Variants in WDPCP observed in about 807,000 individuals in gnomAD.
WDPCP encodes the protein WD repeat containing planar cell polarity effector, also known as WD repeat-containing and planar cell polarity effector protein fritz homolog.
In WDPCP, 71 loss-of-function variants were observed where a neutral mutation model predicts 93.1. The ratio of observed to expected loss-of-function variants is 0.76; its 90% confidence interval spans 0.63 to 0.93. The LOEUF (loss-of-function observed/expected upper bound fraction) is 0.93, where lower values mean the gene tolerates loss of function less well. WDPCP is among the 40% of genes least tolerant of loss of function. The pLI is 0.00. For synonymous variants in WDPCP, 315 were observed against 315.0 expected, an observed-to-expected ratio of 1.00 and a Z score of 0.00; for missense variants, 844 against 887.4, an observed-to-expected ratio of 0.95 and a Z score of 0.62.
chr2:63,622,565 C>A, intron 3 of WDPCP: 1 of 1,613,962 alleles, frequency 6.2e-7, no homozygotes, highest in African/African-American at 1.3e-5. Flanking sequence ...TGGTCTGATT[C>A]TGTGGGTCCA....
intron 2 of WDPCP, among the ~76,000 whole-genome samples, chr2:63,718,193 T>C (rs1189561459): frequency 6.6e-6 from 1 of 152,170 alleles, no homozygotes; most frequent in Non-Finnish European, 1.5e-5. Flanking sequence ...CCATATCTTA[T>C]TGTAAATATT....
At chr2:63,153,965 G>A (rs994480204) in intron 15 of WDPCP, among the ~76,000 whole-genome samples, 5 of 151,716 alleles carry the variant, frequency 3.3e-5, no homozygotes, top group Non-Finnish European at 5.9e-5. Context: ...ACTTGTAAAA[G>A]TAATTCACTT....
At chr2:63,261,806 A>G (rs965234084) in intron 13 of WDPCP, among the ~76,000 whole-genome samples, 1 of 152,156 alleles carries the variant, frequency 6.6e-6, no homozygotes, top group East Asian at 1.9e-4. Context: ...CCCTTTGTAG[A>G]GAAGGTTTGC....
intron 2 of WDPCP, among the ~76,000 whole-genome samples, chr2:63,791,115 G>C (rs1670538489): frequency 6.6e-6 from 1 of 152,200 alleles, no homozygotes; most frequent in African/African-American, 2.4e-5. Flanking sequence ...TCACCAGGGA[G>C]ATAGGCTGTT....
chr2:63,822,470 C>T (rs577851877), intron 1 of WDPCP, among the ~76,000 whole-genome samples: 1 of 152,212 alleles, frequency 6.6e-6, no homozygotes, highest in Admixed American at 6.5e-5. Context: ...TTTGCACACA[C>T]TAAATTTGGA....
intron 6 of WDPCP, among the ~76,000 whole-genome samples, chr2:63,478,973 G>C (rs559885487): frequency 2.5e-4 from 37 of 150,358 alleles, no homozygotes; most frequent in Non-Finnish European, 4.3e-4. Context: ...GAAGAGAGAT[G>C]ATCAAAATAA....
At chr2:63,463,528 T>C (rs1244929708) in intron 6 of WDPCP, among the ~76,000 whole-genome samples, 3 of 152,170 alleles carry the variant, frequency 2.0e-5, no homozygotes, top group Non-Finnish European at 4.4e-5. Context: ...GGCCCCCCAG[T>C]AGTCAAAACC....
chr2:63,216,938 C>T (rs1257256212), intron 14 of WDPCP, among the ~76,000 whole-genome samples: 1 of 152,170 alleles, frequency 6.6e-6, no homozygotes, highest in African/African-American at 2.4e-5. Context: ...AATGGCATTA[C>T]TTCCAATAAT....
At position 63,414,641 on chromosome 2, in the gene WDPCP, T is replaced by A. The variant is rs138537600; in HGVS notation, c.826-9984A>T. Among the ~76,000 whole-genome samples, 292 of 152,216 alleles carry A rather than the reference T, an allele frequency of 1.9e-3. 2 individuals carry two copies. The highest frequency in any genetic ancestry group is 6.5e-3 in the African/African-American group (269 of 41,522). On this transcript the variant is annotated intron_variant, in intron 9 of 17. Transcript: ENST00000272321. ...CAACTCAAGAATGGAAAACCAAAAATCTTATGTTCTCACTGATATGTGGGA... is the reference window on the plus strand; with the variant it reads ...CAACTCAAGAATGGAAAACCAAAAAACTTATGTTCTCACTGATATGTGGGA...
At position 63,121,835 on chromosome 2, in the gene WDPCP, T is replaced by C; in HGVS notation, c.*171A>G. ...TCACTTTGCTGTTATGCTGCATGTTTTTGAAATAATAAAACTTTATTTTGA... is the reference window on the plus strand; with the variant it reads ...TCACTTTGCTGTTATGCTGCATGTTCTTGAAATAATAAAACTTTATTTTGA... On this transcript the variant is annotated 3_prime_UTR_variant, in exon 18 of 18. Transcript: ENST00000272321. 7.2e-7 allele frequency: 1 copy of C among 1,397,396 alleles called. No individual in the cohort carries two copies. The highest frequency in any genetic ancestry group is 9.4e-7 in the Non-Finnish European group (1 of 1,069,304). 86.6% of individuals were successfully genotyped at this position (1,397,396 alleles called of 1,614,324 possible). A position where few individuals can be genotyped will look rare whatever the true frequency, so the allele number is the denominator to read the frequency against.
the WDPCP span, among the ~76,000 whole-genome samples, chr2:63,838,605 A>G: frequency 8.5e-5 from 13 of 152,108 alleles, no homozygotes; most frequent in African/African-American, 2.9e-4. Flanking sequence ...GGTAAAATCT[A>G]TAAATCTACC....
chr2:63,417,961 T>C (rs566162338), intron 9 of WDPCP, among the ~76,000 whole-genome samples: 6 of 151,918 alleles, frequency 3.9e-5, no homozygotes, highest in Admixed American at 6.6e-5. Context: ...GCTAATGTGA[T>C]AGACCAAGAT....
chr2:63,641,981 T>C (rs1709985444), intron 3 of WDPCP, among the ~76,000 whole-genome samples: 1 of 152,168 alleles, frequency 6.6e-6, no homozygotes, highest in South Asian at 2.1e-4. Flanking sequence ...TGGTGAGAGA[T>C]AGAGGTCTAG....
intron 14 of WDPCP, among the ~76,000 whole-genome samples, chr2:63,248,752 G>C (rs527969480): frequency 6.6e-6 from 1 of 151,916 alleles, no homozygotes; most frequent in South Asian, 2.1e-4. Context: ...TTCAAATATC[G>C]TATCATAAAG....
intron 10 of WDPCP, among the ~76,000 whole-genome samples, chr2:63,392,044 T>G (rs577851655): frequency 1.3e-5 from 2 of 152,180 alleles, no homozygotes; most frequent in Non-Finnish European, 2.9e-5. Flanking sequence ...ACTTTAAAGT[T>G]CATATGGAAC....
At position 63,119,705 on chromosome 2, in the gene WDPCP, C is replaced by A. The variant is rs940621942; in HGVS notation, c.*2301G>T. Among the ~76,000 whole-genome samples, 6 of 152,148 alleles carry A rather than the reference C, an allele frequency of 3.9e-5. No homozygotes were observed. Among genetic ancestry groups the A allele is most frequent in the Non-Finnish European group, 8.8e-5 (6 of 68,032 alleles). Reference sequence around the variant, plus strand: ...TATTCCTAAAGGACAACCTGTGAACCTGTCAGTGCTAGGACAGATACTACC... The same window carrying A: ...TATTCCTAAAGGACAACCTGTGAACATGTCAGTGCTAGGACAGATACTACC... On this transcript the variant is annotated 3_prime_UTR_variant, in exon 18 of 18. Coordinates refer to ENST00000272321, the MANE Select transcript of WDPCP (RefSeq NM_015910.7).
intron 2 of WDPCP, among the ~76,000 whole-genome samples, chr2:63,729,981 G>C (rs1669537334): frequency 2.6e-5 from 4 of 152,176 alleles, no homozygotes; most frequent in Middle Eastern, 3.2e-3. Context: ...CGCATAGTGA[G>C]AATGGGAGAA....
At chr2:63,593,586 A>G, upstream of WDPCP, 1 of 471,432 alleles carries the variant, frequency 2.1e-6, no homozygotes, top group South Asian at 1.5e-5. Flanking sequence ...GAAACCAAAC[A>G]CTTCTGGGCT....
intron 2 of WDPCP, among the ~76,000 whole-genome samples, chr2:63,753,996 T>C (rs1669919934): frequency 6.6e-6 from 1 of 152,076 alleles, no homozygotes; most frequent in East Asian, 1.9e-4. Context: ...AGGAGCACGA[T>C]AGGGAAGGGA....
Sources: allele counts gnomAD v4.1 joint callset (sites outside exome capture counted in the v4.1 genomes callset), GRCh38; gene constraint gnomAD v4.1.1; transcripts MANE v1.5; gene names NCBI Gene and HGNC (gene_info 2026-07-23, HGNC 2026-07-21).